The following CNIH3 variants were observed in gnomAD, a reference collection of about 807,000 sequenced individuals.
CNIH3 encodes the protein protein cornichon homolog 3.
In CNIH3, 14 loss-of-function variants were observed where a neutral mutation model predicts 24.1. The ratio of observed to expected loss-of-function variants is 0.58; its 90% CI spans 0.38 to 0.91. The LOEUF (loss-of-function observed/expected upper bound fraction) is 0.91. Ranked by LOEUF, CNIH3 falls within the 40% of genes least tolerant of loss-of-function variation. CNIH3 has a pLI of 0.00. For synonymous variants in CNIH3, 68 were observed against 73.8 expected (o/e 0.92, Z 0.40); for missense variants, 178 against 196.8 (o/e 0.90, Z 0.57).
At position 224,617,267 on chromosome 1, in the gene CNIH3, G is replaced by T. The variant is rs764828206; in HGVS notation, c.81+12G>T. The T allele has an allele frequency of 3.0e-5, 48 of 1,612,622 alleles. No homozygotes were observed. Among genetic ancestry groups the T allele is most frequent in the Non-Finnish European group, 3.8e-5 (45 of 1,179,504 alleles). On this transcript the variant is annotated intron_variant, in intron 1 of 5. Coordinates refer to ENST00000272133, the MANE Select transcript of CNIH3 (RefSeq NM_152495.2). ...TCGCCATCTGGCACGTGAGTAACAC[G>T]CTTTGGTCTCTCTTCTTTCGCCCCA...
intron 1 of CNIH3, among the ~76,000 whole-genome samples, chr1:224,519,758 T>C (rs1678548639): frequency 6.6e-6 from 1 of 151,374 alleles, no homozygotes; most frequent in African/African-American, 2.4e-5. Context: ...ATATATTATT[T>C]AATATGTATC....
At chr1:224,643,702 A>ATG in intron 1 of CNIH3, among the ~76,000 whole-genome samples, 1 of 152,230 alleles carries the variant, frequency 6.6e-6, no homozygotes, top group South Asian at 2.1e-4. Context: ...AAAGGAAAAA[A>ATG]AGTGGGGAAC....
intron 3 of CNIH3, among the ~76,000 whole-genome samples, chr1:224,601,330 G>A (rs1457607757): frequency 6.6e-6 from 1 of 152,132 alleles, no homozygotes; most frequent in Non-Finnish European, 1.5e-5. Context: ...TACTAGAGGT[G>A]TTTTTCCCTT....
intron 2 of CNIH3, among the ~76,000 whole-genome samples, chr1:224,523,260 C>T (rs1290666506): frequency 6.6e-6 from 1 of 151,810 alleles, no homozygotes; most frequent in Non-Finnish European, 1.5e-5. Context: ...AAGTTCTTAG[C>T]AACATTGTTT....
chr1:224,437,753 A>G (rs1486057035), intron 1 of CNIH3, among the ~76,000 whole-genome samples: 1 of 152,186 alleles, frequency 6.6e-6, no homozygotes, highest in African/African-American at 2.4e-5. Context: ...TGACAGACAC[A>G]TGTCTATGCT....
At position 224,684,821 on chromosome 1, in the gene CNIH3, G is replaced by T. The variant is rs765507112; in HGVS notation, c.176G>T (p.Arg59Leu). ...HARERLRNIE[R>L]ICFLLRKLVL... ...AGGGAACGGTTGAGGAACATCGAGC[G>T]CATCTGCTTCCTTCTGCGAAAGGTC... The change falls in exon 3 of 6, where the codon CGC becomes CTC. Residue 59 changes from arginine (R) to leucine (L), a missense_variant. Coordinates refer to ENST00000272133, the MANE Select transcript of CNIH3 (RefSeq NM_152495.2). The surrounding 1 kb of genome is among the most constrained non-coding windows in gnomAD (Gnocchi z 4.2). The T allele has an allele frequency of 6.2e-7, 1 of 1,614,060 alleles. No homozygotes were observed. The highest frequency in any genetic ancestry group is 8.5e-7 in the Non-Finnish European group (1 of 1,179,934).
At chr1:224,503,050 G>A (rs1677746514) in intron 1 of CNIH3, among the ~76,000 whole-genome samples, 1 of 151,918 alleles carries the variant, frequency 6.6e-6, no homozygotes, top group African/African-American at 2.4e-5. Context: ...GAGGGAGGGA[G>A]GGAGGGAGGT....
chr1:224,708,731 G>A (rs1687964255), intron 3 of CNIH3, among the ~76,000 whole-genome samples: 1 of 152,080 alleles, frequency 6.6e-6, no homozygotes, highest in African/African-American at 2.4e-5. Flanking sequence ...TTTTCCTCCT[G>A]TCTTGTGCAC....
chr1:224,522,844 G>C (rs1044018738), intron 2 of CNIH3, among the ~76,000 whole-genome samples: 22 of 152,318 alleles, frequency 1.4e-4, no homozygotes, highest in African/African-American at 4.8e-4. Context: ...TTGGAAAACA[G>C]TGTGGCATTA....
downstream of CNIH3, among the ~76,000 whole-genome samples, chr1:224,540,352 AT>A (rs966392838): frequency 1.3e-5 from 2 of 152,220 alleles, no homozygotes; most frequent in African/African-American, 4.8e-5. Flanking sequence ...TCTCTTGAAA[AT>A]CAGCTCTGCT....
At chr1:224,702,541 C>A (rs1265517022) in intron 3 of CNIH3, among the ~76,000 whole-genome samples, 1 of 152,212 alleles carries the variant, frequency 6.6e-6, no homozygotes, top group African/African-American at 2.4e-5. Flanking sequence ...GCAGAGGCGG[C>A]CTTCTGTCCT....
At chr1:224,681,234 T>C (rs1331575447) in intron 2 of CNIH3, among the ~76,000 whole-genome samples, 2 of 152,208 alleles carry the variant, frequency 1.3e-5, no homozygotes, top group Non-Finnish European at 1.5e-5. Flanking sequence ...CAGATGTGAC[T>C]GTCCCAGTAA....
At chr1:224,661,176 G>T in intron 1 of CNIH3, 1 of 246,880 alleles carries the variant, frequency 4.1e-6, no homozygotes, top group East Asian at 1.0e-4. Context: ...TGAATTCCTG[G>T]TTATCCAAGC....
intron 1 of CNIH3, among the ~76,000 whole-genome samples, chr1:224,435,441 A>G (rs2102934592): frequency 6.6e-6 from 1 of 152,198 alleles, no homozygotes; most frequent in East Asian, 1.9e-4. Flanking sequence ...CTAGAGGAGC[A>G]TATCTTATGG....
chr1:224,572,444 A>T (rs1208966077), intron 4 of CNIH3, among the ~76,000 whole-genome samples: 1 of 148,694 alleles, frequency 6.7e-6, no homozygotes, highest in Non-Finnish European at 1.5e-5. Flanking sequence ...TGAATCTGGG[A>T]GGTGGAGGTT....
At chr1:224,510,596 C>CAAAAAAA (rs777592587) in intron 1 of CNIH3, among the ~76,000 whole-genome samples, 4 of 93,960 alleles carry the variant, frequency 4.3e-5, no homozygotes, top group Admixed American at 1.1e-4. Flanking sequence ...GACCCTGTCT[C>CAAAAAAA]AAAAAAAAAA....
chr1:224,643,330 T>G (rs1684449970), intron 1 of CNIH3, among the ~76,000 whole-genome samples: 3 of 152,248 alleles, frequency 2.0e-5, no homozygotes, highest in Admixed American at 1.3e-4. Context: ...TGCATTTTAT[T>G]TGCAGCATCT....
chr1:224,488,258 A>T (rs1161426941), intron 1 of CNIH3, among the ~76,000 whole-genome samples: 3 of 150,204 alleles, frequency 2.0e-5, no homozygotes, highest in Non-Finnish European at 4.4e-5. Context: ...ATTCTATTTC[A>T]CTCCTTTTGG....
chr1:224,716,000 C>G (rs1688410210), intron 3 of CNIH3, among the ~76,000 whole-genome samples: 1 of 152,222 alleles, frequency 6.6e-6, no homozygotes, highest in Non-Finnish European at 1.5e-5. Flanking sequence ...GCTGCTCATT[C>G]CAGTAAATCA....
Sources: allele counts gnomAD v4.1 joint callset (sites outside exome capture counted in the v4.1 genomes callset), GRCh38; gene constraint gnomAD v4.1.1; non-coding constraint Gnocchi (gnomAD v3.1); transcripts MANE v1.5; gene names NCBI Gene and HGNC (gene_info 2026-07-23, HGNC 2026-07-21).